CDV3: variants seen among roughly 807,000 people sequenced by gnomAD.
CDV3 encodes CDV3 homolog, also known as protein CDV3 homolog.
In CDV3, 14 loss-of-function variants were observed where a neutral mutation model predicts 24.5. That is an observed-to-expected ratio of 0.57 (90% confidence interval 0.38 to 0.89). The LOEUF (loss-of-function observed/expected upper bound fraction) is 0.89. CDV3 is among the 40% of genes least tolerant of loss of function. The probability of loss-of-function intolerance (pLI) is 0.00; values close to 1 mark genes in which losing one functional copy is unlikely to be tolerated. For synonymous variants in CDV3, 114 were observed against 114.1 expected, an observed-to-expected ratio of 1.00 and a Z score of 0.00; for missense variants, 304 against 310.2, an observed-to-expected ratio of 0.98 and a Z score of 0.15.
At position 133,584,925 on chromosome 3, in the gene CDV3, A is replaced by G. The variant is rs1002039037; in HGVS notation, c.466+775A>G. 3.3e-5 allele frequency among the ~76,000 whole-genome samples: 5 copies of G among 152,358 alleles called. No individual in the cohort carries two copies. The South Asian group carries it at 6.2e-4, about 19-fold the overall frequency. On this transcript the variant is annotated intron_variant, in intron 3 of 4. Coordinates refer to ENST00000264993, the MANE Select transcript of CDV3 (RefSeq NM_017548.5). ...ATGTCTGAAAGGTCTCCTTAGGGCAATAATGAAAGTTTAAGAGCACTACTT... is the reference window on the plus strand; with the variant it reads ...ATGTCTGAAAGGTCTCCTTAGGGCAGTAATGAAAGTTTAAGAGCACTACTT...
In CDV3 at chr3:133,574,158, C is replaced by T. The variant is rs2074708507; in HGVS notation, c.114C>T (p.Ala38=). 1.7e-6 allele frequency: 2 copies of T among 1,153,776 alleles called. No homozygotes were observed. The highest frequency in any genetic ancestry group is 2.2e-6 in the Non-Finnish European group (2 of 919,614). The allele number at this position is 1,153,776 out of a possible 1,614,324, so 71.5% of individuals were successfully genotyped here. ...GTGCCGCGGGCGCAGCGGGCAGCGC[C>T]GGCGGAAGCAGTGGAGCCGCGGGTG... is the stretch of plus-strand genomic sequence containing the variant. ...AASAAGAAGS[A]GGSSGAAGAA... is the part of the protein sequence containing the mutation. The change falls in exon 1 of 5, where the codon GCC becomes GCT. Residue 38 remains alanine (A), a synonymous_variant. Coordinates refer to ENST00000264993, the MANE Select transcript of CDV3 (RefSeq NM_017548.5).
At position 133,579,515 on chromosome 3, in the gene CDV3, C is replaced by T. The variant is rs13318046; in HGVS notation, c.317+4400C>T. On this transcript the variant is annotated intron_variant, in intron 2 of 4. Transcript: ENST00000264993. ...ATGTAAATCATTTCTACCCTGCTAA[C>T]TGGCATTTAGGCAAGCCTCTAAGCA... is the stretch of plus-strand genomic sequence containing the variant. Among the ~76,000 whole-genome samples, 1,036 of 151,914 alleles carry T rather than the reference C, an allele frequency of 6.8e-3. 12 individuals are homozygous for T. Among genetic ancestry groups the T allele is most frequent in the South Asian group, 0.015 (74 of 4,808 alleles).
intron 3 of CDV3, among the ~76,000 whole-genome samples, chr3:133,585,675 T>C (rs1933525558): frequency 6.6e-6 from 1 of 152,058 alleles, no homozygotes; most frequent in African/African-American, 2.4e-5. Flanking sequence ...TTTGTATTTT[T>C]AGTAGAGACG....
chr3:133,574,280 C>T lies in CDV3; in HGVS notation c.236C>T (p.Thr79Met). 1.0e-6 allele frequency: 1 copy of T among 984,448 alleles called. No homozygotes were observed. Among genetic ancestry groups the T allele is most frequent in the Non-Finnish European group, 1.2e-6 (1 of 828,912 alleles). 61.0% of individuals were successfully genotyped at this position (984,448 alleles called of 1,614,324 possible). A position where few individuals can be genotyped will look rare whatever the true frequency, so the allele number is the denominator to read the frequency against. ...CCAGGGGCCGCCACCAAGGCTGTGA[C>T]GAAGGTGAGGGGCCGGGAGGCCGGC... Reference protein sequence around the residue: ...AGPGAATKAVTKDEDEWKELE... With the variant: ...AGPGAATKAVMKDEDEWKELE... Residue 79 changes from threonine to methionine, a missense_variant, in exon 1 of 5, where the codon ACG becomes ATG. Thr to Met is a moderately conservative substitution (Grantham distance 81). Coordinates refer to ENST00000264993, the MANE Select transcript of CDV3 (RefSeq NM_017548.5).
chr3:133,584,339 T>C (rs1321862299), intron 3 of CDV3, among the ~76,000 whole-genome samples, 189 bp downstream of exon 3: 2 of 152,212 alleles, frequency 1.3e-5, no homozygotes, highest in Non-Finnish European at 2.9e-5. Flanking sequence ...ATCTGGAAGT[T>C]AAAAGACATG....
intron 2 of CDV3, among the ~76,000 whole-genome samples, chr3:133,579,597 TC>T (rs1255050517): frequency 6.6e-6 from 1 of 151,910 alleles, no homozygotes; most frequent in Non-Finnish European, 1.5e-5. Context: ...GTTTGTTCGT[TC>T]TTTTTTTTTT....
intron 2 of CDV3, among the ~76,000 whole-genome samples, chr3:133,576,031 C>T (rs2074792880): frequency 1.3e-5 from 2 of 152,234 alleles, no homozygotes; most frequent in South Asian, 2.1e-4. Flanking sequence ...GGAGGAAATA[C>T]TTTCCTTAAC....
downstream of CDV3, chr3:133,590,269 CTG>C (rs1933991616): frequency 6.6e-6 from 1 of 151,940 alleles, no homozygotes; most frequent in African/African-American, 2.4e-5. Context: ...GGATTTTGGA[CTG>C]TAATGGTTAT....
chr3:133,588,136 C>T lies in CDV3; in HGVS notation c.*90C>T. 14 of 1,568,478 alleles carry T rather than the reference C, an allele frequency of 8.9e-6. No homozygotes were observed. Among genetic ancestry groups the T allele is most frequent in the East Asian group, 4.5e-5 (2 of 44,492 alleles). ...CATCATCTGATCTCTGCTGGATCTA[C>T]AGACACCGATGCAGACCACTCGATT... On this transcript the variant is annotated 3_prime_UTR_variant, in exon 5 of 5. Coordinates refer to ENST00000264993, the MANE Select transcript of CDV3 (RefSeq NM_017548.5).
Position 133,574,063 on chromosome 3 carries a change from C to A in CDV3, c.19C>A (p.Arg7=). The change falls in exon 1 of 5, where the codon CGG becomes AGG. Residue 7 remains arginine (R), a synonymous_variant. Coordinates refer to ENST00000264993, the MANE Select transcript of CDV3 (RefSeq NM_017548.5). ...CGAGGCCATGGCTGAGACGGAGGAG[C>A]GGAGCCTGGACAACTTCTTTGCCAA... MAETEE[R]SLDNFFAKRD... is the part of the protein sequence containing the mutation. 3 of 1,221,230 alleles carry A rather than the reference C, an allele frequency of 2.5e-6. No individual in the cohort carries two copies. The highest frequency in any genetic ancestry group is 1.0e-6 in the Non-Finnish European group (1 of 955,806). The allele number at this position is 1,221,230 out of a possible 1,614,324, so 75.6% of individuals were successfully genotyped here. A position where few individuals can be genotyped will look rare whatever the true frequency, so the allele number is the denominator to read the frequency against.
intron 2 of CDV3, among the ~76,000 whole-genome samples, chr3:133,578,577 G>A (rs1218845834): frequency 6.6e-6 from 1 of 152,240 alleles, no homozygotes; most frequent in Admixed American, 6.5e-5. Flanking sequence ...GATGTGCATG[G>A]TGCTCTGGGG....
In CDV3 at chr3:133,584,055, G is replaced by T. The variant is rs1374062695; in HGVS notation, c.371G>T (p.Trp124Leu). Residue 124 changes from tryptophan (W) to leucine (L), a missense_variant, in exon 3 of 5, where the codon TGG becomes TTG. Trp to Leu is a moderately conservative substitution (Grantham distance 61, BLOSUM62 -2). This residue lies in a region of CDV3 where 219 missense variants were observed against 203.6 expected (regional missense o/e 1.08). Coordinates refer to ENST00000264993, the MANE Select transcript of CDV3 (RefSeq NM_017548.5). ...NEKRQDPGDN[W>L]EEGGGGGGGM... is the part of the protein sequence containing the mutation. Reference sequence around the variant, plus strand: ...AAGAGACAAGATCCAGGTGATAACTGGGAAGAAGGTGGAGGTGGTGGTGGA... The same window carrying T: ...AAGAGACAAGATCCAGGTGATAACTTGGAAGAAGGTGGAGGTGGTGGTGGA... 18 of 1,611,540 alleles carry T rather than the reference G, an allele frequency of 1.1e-5. No individual in the cohort carries two copies. Among genetic ancestry groups the T allele is most frequent in the Non-Finnish European group, 1.5e-5 (18 of 1,177,788 alleles).
Position 133,590,037 on chromosome 3 carries a change from TGTA to T in CDV3, c.*1992_*1994del, listed in dbSNP as rs1359135487. 1 of 152,242 alleles carries T rather than the reference TGTA, an allele frequency of 6.6e-6. No homozygotes were observed. Among genetic ancestry groups the T allele is most frequent in the African/African-American group, 2.4e-5 (1 of 41,458 alleles). 9.4% of individuals were successfully genotyped at this position (152,242 alleles called of 1,614,324 possible). A position where few individuals can be genotyped will look rare whatever the true frequency, so the allele number is the denominator to read the frequency against. ...GTGGAGGTGTTATGTAAAGGCATATTGTACTCGAAATCTGAAGACCTGCAGCAG... is the reference window on the plus strand; with the variant it reads ...GTGGAGGTGTTATGTAAAGGCATATTCTCGAAATCTGAAGACCTGCAGCAG... On this transcript the variant is annotated 3_prime_UTR_variant, in exon 5 of 5. Coordinates refer to ENST00000264993, the MANE Select transcript of CDV3 (RefSeq NM_017548.5).
chr3:133,589,245 G>C lies in CDV3; in HGVS notation c.*1199G>C, dbSNP rs748365552. 3.3e-5 allele frequency: 5 copies of C among 152,660 alleles called. No homozygotes were observed. Among genetic ancestry groups the C allele is most frequent in the Non-Finnish European group, 5.9e-5 (4 of 68,048 alleles). The allele number at this position is 152,660 out of a possible 1,614,324, so 9.5% of individuals were successfully genotyped here. On this transcript the variant is annotated 3_prime_UTR_variant, in exon 5 of 5. Coordinates refer to ENST00000264993, the MANE Select transcript of CDV3 (RefSeq NM_017548.5). ...AGAATTCCTCATGTACTTGTGCCTAGTTTTTCAAGGTATTGGCTGTTCTAT... is the reference window on the plus strand; with the variant it reads ...AGAATTCCTCATGTACTTGTGCCTACTTTTTCAAGGTATTGGCTGTTCTAT...
rs971557183 is a variant in CDV3 at position 133,574,144 on chromosome 3, G to A, written c.100G>A (p.Ala34Thr). The A allele has an allele frequency of 9.3e-6, 11 of 1,185,128 alleles. No individual in the cohort carries two copies. The African/African-American group carries it at 1.6e-4, about 18-fold the overall frequency. 73.4% of individuals were successfully genotyped at this position (1,185,128 alleles called of 1,614,324 possible). Residue 34 changes from alanine (A) to threonine (T), a missense_variant, in exon 1 of 5, where the codon GCA becomes ACA. By Grantham distance (58) the Ala-to-Thr change is moderately conservative. Transcript: ENST00000264993. ...RSNRAASAAG[A>T]AGSAGGSSGA... ...CAACCGGGCGGCGAGTGCCGCGGGC[G>A]CAGCGGGCAGCGCCGGCGGAAGCAG...
At chr3:133,585,846 C>A (rs1933546417) in intron 3 of CDV3, among the ~76,000 whole-genome samples, 1 of 152,154 alleles carries the variant, frequency 6.6e-6, no homozygotes, top group Non-Finnish European at 1.5e-5. Context: ...TTAAAAAATT[C>A]TTTACATATG....
At chr3:133,579,784 T>C (rs1006507917) in intron 2 of CDV3, among the ~76,000 whole-genome samples, 3 of 151,942 alleles carry the variant, frequency 2.0e-5, no homozygotes, top group African/African-American at 7.3e-5. Context: ...GTAGAGACAG[T>C]GTTTGACCAT....
At chr3:133,583,296 G>C (rs993446320) in intron 2 of CDV3, among the ~76,000 whole-genome samples, 4 of 152,164 alleles carry the variant, frequency 2.6e-5, no homozygotes, top group African/African-American at 7.2e-5. Context: ...ATGTGCGAAA[G>C]GATTGGCAAA....
chr3:133,587,268 A>G, intron 4 of CDV3: 2 of 1,283,916 alleles, frequency 1.6e-6, no homozygotes, highest in South Asian at 3.1e-5. Context: ...GAAGAAATGT[A>G]AATGACATCA....
Sources: allele counts gnomAD v4.1 joint callset (sites outside exome capture counted in the v4.1 genomes callset), GRCh38; gene constraint gnomAD v4.1.1; regional missense constraint gnomAD v4.1.1; transcripts MANE v1.5; gene names NCBI Gene and HGNC (gene_info 2026-07-23, HGNC 2026-07-21).